The following SEMA6A variants were observed in gnomAD, a reference collection of about 807,000 sequenced individuals.
SEMA6A encodes the protein semaphorin-6A.
Under a neutral mutation model 96.8 loss-of-function variants are expected in SEMA6A, and 25 were observed. The observed-to-expected ratio is 0.26, with a 90% CI of 0.19 to 0.36. The LOEUF (loss-of-function observed/expected upper bound fraction) is 0.36. Among genes scored for constraint, SEMA6A ranks in the 10% least tolerant of loss-of-function variants. SEMA6A has a pLI of 1.00. For missense variants in SEMA6A, 1,363 were observed against 1,323.1 expected, an observed-to-expected ratio of 1.03 and a Z score of -0.47; for synonymous variants, 612 against 518.0, an observed-to-expected ratio of 1.18 and a Z score of -2.46.
intron 1 of SEMA6A, among the ~76,000 whole-genome samples, chr5:116,530,226 C>T (rs1313115906): frequency 1.3e-5 from 2 of 152,008 alleles, no homozygotes; most frequent in Non-Finnish European, 2.9e-5. Context: ...TACTTTCATG[C>T]CAACATAAAA....
At chr5:116,480,001 GAATGAAT>G in intron 12 of SEMA6A, 114 bp downstream of exon 12, 1 of 1,177,936 alleles carries the variant, frequency 8.5e-7, no homozygotes, top group Middle Eastern at 3.0e-4. Flanking sequence ...TTTCACAGCT[GAATGAAT>G]GCCCAGGATA....
In SEMA6A at chr5:116,444,149, C is replaced by T. The variant is rs1754046940; in HGVS notation, c.*2464G>A. ...TCTAGAGAAAATTCAAGGAAGAAAACAATATTTCAGGTTCTAGGAAATACT... is the reference window on the plus strand; with the variant it reads ...TCTAGAGAAAATTCAAGGAAGAAAATAATATTTCAGGTTCTAGGAAATACT... On this transcript the variant is annotated 3_prime_UTR_variant, in exon 19 of 19. Coordinates refer to ENST00000343348, the MANE Select transcript of SEMA6A (RefSeq NM_020796.5). 6.6e-6 allele frequency: 1 copy of T among 151,152 alleles called. No homozygotes were observed. The highest frequency in any genetic ancestry group is 2.4e-5 in the African/African-American group (1 of 41,022). The allele number at this position is 151,152 out of a possible 1,614,324, so 9.4% of individuals were successfully genotyped here. A position where few individuals can be genotyped will look rare whatever the true frequency, so the allele number is the denominator to read the frequency against.
At chr5:116,509,516 G>A (rs1758306123) in intron 1 of SEMA6A, among the ~76,000 whole-genome samples, 1 of 152,122 alleles carries the variant, frequency 6.6e-6, no homozygotes, top group Non-Finnish European at 1.5e-5. Flanking sequence ...GAAAGGATAT[G>A]AAATGTAATA....
At chr5:116,563,023 G>A in intron 1 of SEMA6A, 1 of 503,956 alleles carries the variant, frequency 2.0e-6, no homozygotes. Flanking sequence ...AACAAGACAA[G>A]ACTCCTCAAA....
intron 1 of SEMA6A, among the ~76,000 whole-genome samples, chr5:116,509,188 A>AATATAAGTGATAGTG (rs1758285458): frequency 6.6e-6 from 1 of 152,214 alleles, no homozygotes; most frequent in Admixed American, 6.5e-5. Context: ...GCACACAAGG[A>AATATAAGTGATAGTG]ACATTTTAAT....
chr5:116,477,133 A>G (rs1756495472), intron 15 of SEMA6A, among the ~76,000 whole-genome samples: 1 of 152,246 alleles, frequency 6.6e-6, no homozygotes, highest in Non-Finnish European at 1.5e-5. Context: ...CCCATCAAAG[A>G]TAAACATTGA....
intron 1 of SEMA6A, among the ~76,000 whole-genome samples, chr5:116,566,483 A>G (rs905760702): frequency 4.4e-4 from 67 of 152,222 alleles, no homozygotes; most frequent in African/African-American, 1.5e-3. Context: ...CGGTCCTTGC[A>G]GCATGTTAAT....
At position 116,446,537 on chromosome 5, in the gene SEMA6A, A is replaced by G. The variant is rs895011876; in HGVS notation, c.*76T>C. On this transcript the variant is annotated 3_prime_UTR_variant, in exon 19 of 19. Transcript: ENST00000343348. ...TCTTGGTCTGGTGGGTACTCGAGGC[A>G]GTTGAGAACCTTGCTGAGCTGAGCG... 7.9e-7 allele frequency: 1 copy of G among 1,264,080 alleles called. No homozygotes were observed. 78.3% of individuals were successfully genotyped at this position (1,264,080 alleles called of 1,614,324 possible). A position where few individuals can be genotyped will look rare whatever the true frequency, so the allele number is the denominator to read the frequency against.
chr5:116,480,183 G>C lies in SEMA6A; in HGVS notation c.1189C>G (p.Leu397Val). The change falls in exon 12 of 19, where the codon CTC becomes GTC. Residue 397 changes from leucine to valine, a missense_variant. Transcript: ENST00000343348. The part of the protein sequence containing the change: ...DTLNFIKTHP[L>V]MDEAVPSIFN... ...ATGGAGGGCACTGCCTCATCCATGA[G>C]CGGGTGCGTCTTGATGAAGTTCAGG... 6.2e-7 allele frequency: 1 copy of C among 1,613,886 alleles called. No homozygotes were observed. The highest frequency in any genetic ancestry group is 8.5e-7 in the Non-Finnish European group (1 of 1,179,808).
intron 18 of SEMA6A, among the ~76,000 whole-genome samples, chr5:116,461,503 C>T (rs541983800): frequency 6.6e-6 from 1 of 151,748 alleles, no homozygotes; most frequent in South Asian, 2.1e-4. Context: ...AAAATAAAAG[C>T]CTGAGTTTGC....
rs888470469 is a variant in SEMA6A, at chr5:116,543,195, T to G, written c.-39+30990A>C. On this transcript the variant is annotated intron_variant, in intron 1 of 18. Coordinates refer to ENST00000343348, the MANE Select transcript of SEMA6A (RefSeq NM_020796.5). ...AGACATAGAAGTGCTAACTTTCTACTTCACAACTAACTAAATTTTACTTAA... is the reference window on the plus strand; with the variant it reads ...AGACATAGAAGTGCTAACTTTCTACGTCACAACTAACTAAATTTTACTTAA... Among the ~76,000 whole-genome samples the G allele has an allele frequency of 4.6e-5, 7 of 152,228 alleles. No individual in the cohort carries two copies. In the East Asian group the frequency reaches 1.3e-3, roughly 29 times the overall value.
chr5:116,474,902 G>A (rs1421524766), intron 16 of SEMA6A, among the ~76,000 whole-genome samples: 1 of 152,168 alleles, frequency 6.6e-6, no homozygotes, highest in Admixed American at 6.5e-5. Flanking sequence ...CGGGTCACAT[G>A]ACAACTGGGC....
intron 9 of SEMA6A, chr5:116,487,236 A>G (rs1270857246): frequency 2.7e-6 from 1 of 364,216 alleles, no homozygotes; most frequent in South Asian, 3.0e-5. Context: ...AGTCATTTCC[A>G]TACAGACTGC....
At chr5:116,453,618 AGAAG>A (rs1216937411) in intron 18 of SEMA6A, among the ~76,000 whole-genome samples, 7 of 152,190 alleles carry the variant, frequency 4.6e-5, no homozygotes, top group Admixed American at 1.3e-4. Context: ...TGCCACTCAT[AGAAG>A]GAAAGTTCTT....
chr5:116,504,492 T>C (rs1758046037), intron 2 of SEMA6A, among the ~76,000 whole-genome samples: 2 of 152,314 alleles, frequency 1.3e-5, no homozygotes, highest in South Asian at 2.1e-4. Flanking sequence ...AGTCCGGATA[T>C]ATGAATTATA....
intron 1 of SEMA6A, among the ~76,000 whole-genome samples, chr5:116,570,367 G>A (rs1168851963): frequency 6.6e-6 from 1 of 152,190 alleles, no homozygotes; most frequent in African/African-American, 2.4e-5. Flanking sequence ...TGATATGGGA[G>A]GGCCCAGCAG....
Position 116,478,103 on chromosome 5 carries a change from G to A in SEMA6A, c.1479C>T (p.Asp493=). ...CAACATACAGAGAGCTGCTTGCTCT[G>A]TCCAGCTGCATGCCCATGATCCTTT... is the stretch of plus-strand genomic sequence containing the variant. ...EDKRIMGMQL[D]RASSSLYVAF... The change falls in exon 14 of 19, where the codon GAC becomes GAT. Residue 493 remains aspartate (D), a synonymous_variant. Transcript: ENST00000343348. The A allele has an allele frequency of 6.2e-7, 1 of 1,613,926 alleles. No individual in the cohort carries two copies. Among genetic ancestry groups the A allele is most frequent in the Non-Finnish European group, 8.5e-7 (1 of 1,179,870 alleles).
In SEMA6A at chr5:116,495,166, A is replaced by G. The variant is rs943326646; in HGVS notation, c.444+247T>C. Among the ~76,000 whole-genome samples, 4 of 152,182 alleles carry G rather than the reference A, an allele frequency of 2.6e-5. No individual in the cohort carries two copies. In the East Asian group the frequency reaches 7.7e-4, roughly 29 times the overall value. On this transcript the variant is annotated intron_variant, in intron 6 of 18. Coordinates refer to ENST00000343348, the MANE Select transcript of SEMA6A (RefSeq NM_020796.5). ...AGTATGTCAGTCTTCTGAACAATAGAGAAAAGGGTCTTACAGAAACTAACT... is the reference window on the plus strand; with the variant it reads ...AGTATGTCAGTCTTCTGAACAATAGGGAAAAGGGTCTTACAGAAACTAACT...
intron 3 of SEMA6A, chr5:116,498,742 T>C (rs1757734184): frequency 6.6e-6 from 1 of 152,218 alleles, no homozygotes; most frequent in Non-Finnish European, 1.5e-5. Flanking sequence ...TGCTTGACTT[T>C]ATTGGTGGTG....
Sources: allele counts gnomAD v4.1 joint callset (sites outside exome capture counted in the v4.1 genomes callset), GRCh38; gene constraint gnomAD v4.1.1; transcripts MANE v1.5; gene names NCBI Gene and HGNC (gene_info 2026-07-23, HGNC 2026-07-21).